FBRSL1: variants seen among roughly 807,000 people sequenced by gnomAD.
FBRSL1 encodes the protein fibrosin-1-like protein.
In FBRSL1, 51 loss-of-function variants were observed where a neutral mutation model predicts 89.6. The observed-to-expected ratio is 0.57, with a 90% CI of 0.45 to 0.72. The LOEUF (loss-of-function observed/expected upper bound fraction) is 0.72, where lower values mean the gene tolerates loss of function less well. Among genes scored for constraint, FBRSL1 ranks in the 30% least tolerant of loss-of-function variants. FBRSL1 has a pLI of 0.00. For synonymous variants in FBRSL1, 779 were observed against 681.1 expected, an observed-to-expected ratio of 1.14 and a Z score of -2.24; for missense variants, 1,618 against 1,451.8, an observed-to-expected ratio of 1.11 and a Z score of -1.86.
intron 5 of FBRSL1, among the ~76,000 whole-genome samples, chr12:132,562,311 G>A (rs895694252): frequency 2.6e-5 from 4 of 152,228 alleles, no homozygotes; most frequent in Non-Finnish European, 5.9e-5. Context: ...AACAAGCCAG[G>A]ATTCTAGGGG....
intron 4 of FBRSL1, among the ~76,000 whole-genome samples, chr12:132,529,334 G>A (rs576250455): frequency 3.9e-5 from 6 of 152,342 alleles, no homozygotes; most frequent in Admixed American, 2.6e-4. Context: ...AGCAGGAAGC[G>A]GCAAGGGAGC....
intron 4 of FBRSL1, among the ~76,000 whole-genome samples, chr12:132,535,559 C>T (rs1396998268): frequency 6.6e-6 from 1 of 152,224 alleles, no homozygotes; most frequent in African/African-American, 2.4e-5. Flanking sequence ...TCCCAGCTCT[C>T]CCAGAGAGAT....
chr12:132,508,041 G>C lies in FBRSL1; in HGVS notation c.292-112G>C, dbSNP rs915685533. On this transcript the variant is annotated intron_variant, in intron 1 of 18. Transcript: ENST00000680143. ...AGCCATCTTCCTTTCCCTCTGAGGT[G>C]CCCCTCCCAAGTGGGGAGGCTCCTT... is the stretch of plus-strand genomic sequence containing the variant. 4.6e-6 allele frequency: 5 copies of C among 1,095,376 alleles called. No individual in the cohort carries two copies. The East Asian group carries it at 8.2e-5, about 18-fold the overall frequency. 67.9% of individuals were successfully genotyped at this position (1,095,376 alleles called of 1,614,324 possible).
rs773085584 is a variant in FBRSL1 at position 132,571,570 on chromosome 12, C to T, written c.1377+339C>T. On this transcript the variant is annotated intron_variant, in intron 9 of 18. Transcript: ENST00000680143. ...GCAGGGGGCGGGGGCGGGCGTGGGG[C>T]GGGGACACGCAGCAGGCACACACAG... The T allele has an allele frequency of 2.1e-4, 259 of 1,251,140 alleles. 2 individuals carry two copies. The South Asian group carries it at 4.5e-3, about 22-fold the overall frequency. The allele number at this position is 1,251,140 out of a possible 1,614,324, so 77.5% of individuals were successfully genotyped here.
chr12:132,552,060 G>A (rs963545721), intron 5 of FBRSL1: 9 of 212,440 alleles, frequency 4.2e-5, no homozygotes, highest in Non-Finnish European at 7.8e-5. Flanking sequence ...CAGACATGGC[G>A]TGGGGCCGAC....
At chr12:132,495,463 T>TG (rs1359257838) in intron 1 of FBRSL1, among the ~76,000 whole-genome samples, 1 of 152,054 alleles carries the variant, frequency 6.6e-6, no homozygotes, top group African/African-American at 2.4e-5. Context: ...CAGATGGTGG[T>TG]GGGGGCTGAG....
intron 2 of FBRSL1, among the ~76,000 whole-genome samples, chr12:132,515,387 T>G (rs1384820600): frequency 6.6e-6 from 1 of 152,180 alleles, no homozygotes; most frequent in Non-Finnish European, 1.5e-5. Flanking sequence ...CCTGAATCTC[T>G]GACCTGAATT....
At chr12:132,531,585 C>T (rs1288989608) in intron 4 of FBRSL1, among the ~76,000 whole-genome samples, 1 of 151,818 alleles carries the variant, frequency 6.6e-6, no homozygotes, top group Non-Finnish European at 1.5e-5. Flanking sequence ...GTGTGTGTGA[C>T]CTGTGTTTGT....
intron 5 of FBRSL1, among the ~76,000 whole-genome samples, chr12:132,562,618 G>C (rs1046498977): frequency 2.0e-5 from 3 of 152,168 alleles, no homozygotes; most frequent in African/African-American, 7.2e-5. Context: ...GTCAGTGCCA[G>C]GAGCTCAGCA....
At chr12:132,508,430 C>T in intron 2 of FBRSL1, 80 bp downstream of exon 2, 3 of 1,344,608 alleles carry the variant, frequency 2.2e-6, no homozygotes, top group Non-Finnish European at 2.0e-6. Flanking sequence ...CACCTGGACA[C>T]CACGCCACGT....
chr12:132,509,370 C>T, intron 2 of FBRSL1: 7 of 1,243,784 alleles, frequency 5.6e-6, no homozygotes, highest in Non-Finnish European at 7.0e-6. Context: ...CCAGCGGTCA[C>T]TTCTGGGCCT....
intron 15 of FBRSL1, among the ~76,000 whole-genome samples, chr12:132,578,450 T>C (rs1294003621): frequency 6.6e-6 from 1 of 151,392 alleles, no homozygotes; most frequent in African/African-American, 2.4e-5. Context: ...TCACACGGAG[T>C]GGGCTGAGGA....
At chr12:132,515,839 G>A (rs541027630) in intron 2 of FBRSL1, among the ~76,000 whole-genome samples, 48 of 143,658 alleles carry the variant, frequency 3.3e-4, no homozygotes, top group African/African-American at 1.2e-3. Flanking sequence ...GGTGGAGGTT[G>A]CAGTGAGCTG....
intron 2 of FBRSL1, among the ~76,000 whole-genome samples, chr12:132,521,903 C>A (rs894759551): frequency 6.6e-6 from 1 of 152,126 alleles, no homozygotes; most frequent in African/African-American, 2.4e-5. Context: ...CAGGACAGTG[C>A]GTGCTTAGAG....
chr12:132,565,222 G>C (rs1471439167), intron 5 of FBRSL1: 1 of 152,248 alleles, frequency 6.6e-6, no homozygotes, highest in African/African-American at 2.4e-5. Context: ...AGTGTTACCA[G>C]AATGCAGTCT....
At chr12:132,541,336 C>A (rs372683232) in intron 4 of FBRSL1, among the ~76,000 whole-genome samples, 1 of 152,340 alleles carries the variant, frequency 6.6e-6, no homozygotes, top group East Asian at 1.9e-4. Flanking sequence ...CCAAAGGTGC[C>A]TCACCCTCAA....
chr12:132,560,548 C>T (rs1415816761), intron 5 of FBRSL1, among the ~76,000 whole-genome samples: 1 of 152,156 alleles, frequency 6.6e-6, no homozygotes, highest in Non-Finnish European at 1.5e-5. Flanking sequence ...ACCCGGGTTC[C>T]CGGCGCCGCG....
chr12:132,572,691 C>A, intron 11 of FBRSL1, 69 bp downstream of exon 11: 1 of 1,094,100 alleles, frequency 9.1e-7, no homozygotes, highest in Non-Finnish European at 1.3e-6. Context: ...TGCATGACAA[C>A]CTCGCCAAAC....
At position 132,576,862 on chromosome 12, in the gene FBRSL1, C is replaced by T; in HGVS notation, c.1765C>T (p.Pro589Ser). The change falls in exon 15 of 19, where the codon CCT (proline) becomes TCT (serine). Residue 589 changes from proline to serine, a missense_variant. By Grantham distance (74) the Pro-to-Ser change is moderately conservative (BLOSUM62 -1). Transcript: ENST00000680143. ...GAKLDLFGRP[P>S]APGVFAGFHY... ...AAAGCTGGACCTGTTCGGCAGACCC[C>T]CTGCCCCGGGCGTGTTTGCAGGCTT... 1.9e-6 allele frequency: 3 copies of T among 1,551,040 alleles called. No individual in the cohort carries two copies. The South Asian group carries it at 3.6e-5, about 18-fold the overall frequency.
Sources: gnomAD v4.1 joint callset for allele counts (sites outside exome capture counted in the v4.1 genomes callset) on GRCh38, gnomAD v4.1.1 for gene constraint, MANE v1.5 for transcripts, NCBI Gene and HGNC (gene_info 2026-07-23, HGNC 2026-07-21) for gene names.